Variants in SNX21 observed in about 807,000 individuals in gnomAD.
SNX21 encodes the protein sorting nexin-21.
In SNX21, 36 loss-of-function variants were observed where a neutral mutation model predicts 30.9. The observed-to-expected ratio is 1.16, with a 90% CI of 0.89 to 1.54. The LOEUF (loss-of-function observed/expected upper bound fraction) is 1.54. Among genes scored for constraint, SNX21 ranks in the 40% most tolerant of loss-of-function variants. SNX21 has a pLI of 0.00. For missense variants in SNX21, 508 were observed against 516.5 expected (o/e 0.98, Z 0.16); for synonymous variants, 218 against 222.7 (o/e 0.98, Z 0.19).
intron 3 of SNX21, among the ~76,000 whole-genome samples, chr20:45,839,462 G>A (rs1983840413): frequency 6.6e-6 from 1 of 152,028 alleles, no homozygotes; most frequent in Non-Finnish European, 1.5e-5. Flanking sequence ...CTTGCAGTGA[G>A]CCGAGATCGT....
chr20:45,838,856 C>G (rs1983763360), intron 3 of SNX21, among the ~76,000 whole-genome samples: 1 of 150,852 alleles, frequency 6.6e-6, no homozygotes, highest in South Asian at 2.1e-4. Flanking sequence ...CTTTCTGACT[C>G]TTTTCTAAAA....
In SNX21 at chr20:45,841,102, C is replaced by G; in HGVS notation, c.911C>G (p.Ala304Gly). The G allele has an allele frequency of 6.2e-7, 1 of 1,609,508 alleles. No homozygotes were observed. Among genetic ancestry groups the G allele is most frequent in the East Asian group, 2.2e-5 (1 of 44,856 alleles). Residue 304 changes from alanine to glycine, a missense_variant, in exon 4 of 4, where the codon GCA becomes GGA. Coordinates refer to ENST00000491381, the MANE Select transcript of SNX21 (RefSeq NM_033421.4). ...QELEDPGEAR[A>G]CCEKALQLLG... ...CTGGAAGACCCTGGAGAGGCCCGGG[C>G]ATGCTGTGAGAAGGCCCTGCAGCTG...
intron 3 of SNX21, chr20:45,840,374 G>A: frequency 6.2e-7 from 1 of 1,613,982 alleles, no homozygotes; most frequent in Non-Finnish European, 8.5e-7. Flanking sequence ...CAAAAAAAGG[G>A]GCAGCAGCCC....
rs777408211 is a variant in SNX21 at position 45,835,078 on chromosome 20, A to G, written c.409A>G (p.Ser137Gly). The change falls in exon 3 of 4, where the codon AGC becomes GGC. Residue 137 changes from serine to glycine, a missense_variant. Ser to Gly is a moderately conservative substitution (Grantham distance 56, BLOSUM62 0). Transcript: ENST00000491381. ...APQRLLFEVT[S>G]ANVVKDPPSK... ...CCAGCGGCTGCTCTTCGAAGTGACC[A>G]GCGCTAACGTTGTCAAGGACCCGCC... 1 of 1,614,184 alleles carries G rather than the reference A, an allele frequency of 6.2e-7. No individual in the cohort carries two copies. Among genetic ancestry groups the G allele is most frequent in the South Asian group, 1.1e-5 (1 of 91,088 alleles).
In SNX21 at chr20:45,835,014, G is replaced by A; in HGVS notation, c.345G>A (p.Leu115=). The change falls in exon 3 of 4, where the codon CTG becomes CTA. Residue 115 remains leucine (L), a synonymous_variant. Transcript: ENST00000491381. ...GCAGTCAGCTCCTGGCGCGGCAGCT[G>A]CAGGATTTCTGGAAGAAGTCCCGGA... ...QWGSQLLARQ[L]QDFWKKSRNT... 6.2e-7 allele frequency: 1 copy of A among 1,614,204 alleles called. No homozygotes were observed. The highest frequency in any genetic ancestry group is 8.5e-7 in the Non-Finnish European group (1 of 1,180,034).
chr20:45,839,438 C>T (rs1014080418), intron 3 of SNX21, among the ~76,000 whole-genome samples: 15 of 151,940 alleles, frequency 9.9e-5, no homozygotes, highest in African/African-American at 3.6e-4. Context: ...ATGGAGTGAA[C>T]CCAGGAGGCG....
intron 3 of SNX21, among the ~76,000 whole-genome samples, chr20:45,839,480 TACTCCAGC>T (rs1199180288): frequency 9.9e-5 from 15 of 151,648 alleles, no homozygotes; most frequent in South Asian, 4.2e-4. Context: ...CGTGCCACTG[TACTCCAGC>T]ACTCCAGCCT....
rs1199374826 is a variant in SNX21, at chr20:45,841,850, C to T, written c.*537C>T. On this transcript the variant is annotated 3_prime_UTR_variant, in exon 4 of 4. Transcript: ENST00000491381. ...CTGGTACCTCTGGCTACAGCTTGCT[C>T]TCTGAGACCTGGGGCTTCACTCGGA... The T allele has an allele frequency of 5.0e-6, 8 of 1,605,230 alleles. No individual in the cohort carries two copies. The highest frequency in any genetic ancestry group is 6.8e-6 in the Non-Finnish European group (8 of 1,177,194).
In SNX21 at chr20:45,840,932, A is replaced by G. The variant is rs530507923; in HGVS notation, c.741A>G (p.Ala247=). 6.2e-7 allele frequency: 1 copy of G among 1,611,672 alleles called. No individual in the cohort carries two copies. Among genetic ancestry groups the G allele is most frequent in the South Asian group, 1.1e-5 (1 of 90,948 alleles). Residue 247 remains alanine (A), a synonymous_variant, in exon 4 of 4, where the codon GCA becomes GCG. Transcript: ENST00000491381. ...TCGTGCTGCCGGAGCTGCGGCGGGC[A>G]CAGAGCCTCACCTGTACTGGCCTCT... The part of the protein sequence containing the change: ...DFFVLPELRR[A]QSLTCTGLYR...
At chr20:45,839,578 A>G (rs2145745349) in intron 3 of SNX21, among the ~76,000 whole-genome samples, 1 of 152,182 alleles carries the variant, frequency 6.6e-6, no homozygotes, top group East Asian at 1.9e-4. Flanking sequence ...GAGCTTCTCA[A>G]TTTGTAGTCA....
At position 45,839,620 on chromosome 20, in the gene SNX21, G is replaced by A. The variant is rs568457658; in HGVS notation, c.448-1019G>A. ...TTAAAAAACAATTAGGCTGGGTGTG[G>A]TGCTCATGCCTGTAATCTTAGCACT... On this transcript the variant is annotated intron_variant, in intron 3 of 3. Transcript: ENST00000491381. Among the ~76,000 whole-genome samples, 106 of 152,172 alleles carry A rather than the reference G, an allele frequency of 7.0e-4. 4 individuals carry two copies. The South Asian group carries it at 0.022, about 31-fold the overall frequency.
intron 2 of SNX21, 153 bp from the exon 3 acceptor site, chr20:45,834,806 T>C: frequency 1.0e-6 from 1 of 999,426 alleles, no homozygotes; most frequent in Non-Finnish European, 1.5e-6. Context: ...GGCACGGTGT[T>C]TGGCTCCTCG....
rs1363556666 is a variant in SNX21, at chr20:45,841,539, T to G, written c.*226T>G. ...TAGTACAGGGAAGTCTGACACAGCC[T>G]CTCCAGCCTATAAACAGCCGGGGGG... On this transcript the variant is annotated 3_prime_UTR_variant, in exon 4 of 4. Coordinates refer to ENST00000491381, the MANE Select transcript of SNX21 (RefSeq NM_033421.4). The G allele has an allele frequency of 1.3e-5, 18 of 1,385,654 alleles. No individual in the cohort carries two copies. The highest frequency in any genetic ancestry group is 2.9e-5 in the African/African-American group (2 of 68,564). 85.8% of individuals were successfully genotyped at this position (1,385,654 alleles called of 1,614,324 possible).
Position 45,841,142 on chromosome 20 carries a change from C to T in SNX21, c.951C>T (p.Ser317=), listed in dbSNP as rs1471054945. Residue 317 remains serine (S), a synonymous_variant, in exon 4 of 4, where the codon AGC becomes AGT. Transcript: ENST00000491381. ...EKALQLLGDK[S]LHPLLAPFLE... ...CCCTGCAGCTGCTTGGGGACAAGAG[C>T]CTCCACCCTTTGCTGGCACCCTTTC... The T allele has an allele frequency of 6.2e-7, 1 of 1,613,010 alleles. No individual in the cohort carries two copies. Among genetic ancestry groups the T allele is most frequent in the African/African-American group, 1.3e-5 (1 of 75,064 alleles).
At position 45,841,932 on chromosome 20, in the gene SNX21, C is replaced by T. The variant is rs138553906; in HGVS notation, c.*619C>T. The T allele has an allele frequency of 1.2e-5, 19 of 1,613,232 alleles. No homozygotes were observed. In the African/African-American group the frequency reaches 1.9e-4, roughly 16 times the overall value. On this transcript the variant is annotated 3_prime_UTR_variant, in exon 4 of 4. Coordinates refer to ENST00000491381, the MANE Select transcript of SNX21 (RefSeq NM_033421.4). Reference sequence around the variant, plus strand: ...GACTCCATCCTGACGCCACAGCCGCCCATGGACCAGCCCCCGAGAGCCACC... The same window carrying T: ...GACTCCATCCTGACGCCACAGCCGCTCATGGACCAGCCCCCGAGAGCCACC...
Position 45,834,615 on chromosome 20 carries a change from A to G in SNX21, c.289+147A>G, listed in dbSNP as rs1302602948. On this transcript the variant is annotated intron_variant, in intron 2 of 3. Coordinates refer to ENST00000491381, the MANE Select transcript of SNX21 (RefSeq NM_033421.4). ...GCCTGGGCCACCTCTTGGCTGTGTGACCTTGAGAGAGTCTTAACCCCCCTC... is the reference window on the plus strand; with the variant it reads ...GCCTGGGCCACCTCTTGGCTGTGTGGCCTTGAGAGAGTCTTAACCCCCCTC... The G allele has an allele frequency of 1.6e-5, 18 of 1,112,474 alleles. No homozygotes were observed. In the East Asian group the frequency reaches 4.7e-4, roughly 29 times the overall value. 68.9% of individuals were successfully genotyped at this position (1,112,474 alleles called of 1,614,324 possible). A position where few individuals can be genotyped will look rare whatever the true frequency, so the allele number is the denominator to read the frequency against.
Position 45,834,181 on chromosome 20 carries a change from G to A in SNX21, c.22-20G>A. ...CCCCTCCTCCGGGATCCGGTACACA[G>A]CGTCGCGCGCTCCCCCCAGGGTGCC... On this transcript the variant is annotated intron_variant, in intron 1 of 3. Transcript: ENST00000491381. 2 of 1,480,624 alleles carry A rather than the reference G, an allele frequency of 1.4e-6. No homozygotes were observed. The highest frequency in any genetic ancestry group is 1.4e-5 in the South Asian group (1 of 72,428). The allele number at this position is 1,480,624 out of a possible 1,614,324, so 91.7% of individuals were successfully genotyped here.
In SNX21 at chr20:45,842,474, T is replaced by TCATGAAAAATATCCCCACTACCACCAC; in HGVS notation, c.*1164_*1190dup. 1 of 1,033,286 alleles carries TCATGAAAAATATCCCCACTACCACCAC rather than the reference T, an allele frequency of 9.7e-7. No individual in the cohort carries two copies. The highest frequency in any genetic ancestry group is 1.2e-6 in the Non-Finnish European group (1 of 860,356). The allele number at this position is 1,033,286 out of a possible 1,614,324, so 64.0% of individuals were successfully genotyped here. ...CAAGCCAGGTCCTCCAAGTGGTAAT[T>TCATGAAAAATATCCCCACTACCACCAC]CATGAAAAATATCCCCACTACCACC... On this transcript the variant is annotated 3_prime_UTR_variant, in exon 4 of 4. Transcript: ENST00000491381.
chr20:45,833,910 G>A lies in SNX21; in HGVS notation c.-10G>A, dbSNP rs1199906646. 1 of 1,379,994 alleles carries A rather than the reference G, an allele frequency of 7.2e-7. No homozygotes were observed. The highest frequency in any genetic ancestry group is 9.4e-7 in the Non-Finnish European group (1 of 1,066,602). The allele number at this position is 1,379,994 out of a possible 1,614,324, so 85.5% of individuals were successfully genotyped here. A position where few individuals can be genotyped will look rare whatever the true frequency, so the allele number is the denominator to read the frequency against. ...TGCACCCGGACCCCTGGGGCGCGGC[G>A]CGCCCCTGAATGCACCGTGGGACGC... On this transcript the variant is annotated 5_prime_UTR_variant, in exon 1 of 4. Coordinates refer to ENST00000491381, the MANE Select transcript of SNX21 (RefSeq NM_033421.4).
Sources: gnomAD v4.1 joint callset for allele counts (sites outside exome capture counted in the v4.1 genomes callset) on GRCh38, gnomAD v4.1.1 for gene constraint, MANE v1.5 for transcripts, NCBI Gene and HGNC (gene_info 2026-07-23, HGNC 2026-07-21) for gene names.